SMIM14: variants seen among roughly 807,000 people sequenced by gnomAD.
SMIM14 encodes the protein small integral membrane protein 14.
In SMIM14, 5 loss-of-function variants were observed where a neutral mutation model predicts 12.6. The observed-to-expected ratio is 0.40, with a 90% confidence interval of 0.21 to 0.83. The LOEUF (loss-of-function observed/expected upper bound fraction) is 0.83. Ranked by LOEUF, SMIM14 falls within the 40% of genes least tolerant of loss-of-function variation. SMIM14 has a pLI of 0.37. For synonymous variants in SMIM14, 30 were observed against 40.1 expected, an observed-to-expected ratio of 0.75 and a Z score of 0.95; for missense variants, 86 against 119.1, an observed-to-expected ratio of 0.72 and a Z score of 1.29.
At chr4:39,574,823 T>C (rs1442521478) in intron 2 of SMIM14, among the ~76,000 whole-genome samples, 1 of 152,094 alleles carries the variant, frequency 6.6e-6, no homozygotes, top group Non-Finnish European at 1.5e-5. Flanking sequence ...CTTGCTTTGG[T>C]GTATACTACT....
chr4:39,638,433 T>C (rs1716187498), intron 1 of SMIM14: 1 of 983,996 alleles, frequency 1.0e-6, no homozygotes, highest in Admixed American at 6.2e-5. Context: ...CCTCCACCCG[T>C]CGACAATCTG....
intron 2 of SMIM14, among the ~76,000 whole-genome samples, chr4:39,575,909 T>C (rs572763851): frequency 6.6e-6 from 1 of 151,004 alleles, no homozygotes; most frequent in South Asian, 2.1e-4. Flanking sequence ...TTTTTTTTTT[T>C]TTGAGATGGA....
chr4:39,590,470 A>G lies in SMIM14; in HGVS notation c.75+14601T>C, dbSNP rs931522085. Among the ~76,000 whole-genome samples, 4 of 151,536 alleles carry G rather than the reference A, an allele frequency of 2.6e-5. No homozygotes were observed. In the South Asian group the frequency reaches 6.2e-4, roughly 24 times the overall value. ...GGGGATTTTGTGTAGGCAACTTTCT[A>G]TACATATACTAGTATTCTACTACTA... On this transcript the variant is annotated intron_variant, in intron 2 of 4. Transcript: ENST00000295958.
chr4:39,613,381 C>G lies in SMIM14; in HGVS notation c.-35-8201G>C, dbSNP rs182409572. Among the ~76,000 whole-genome samples, 64 of 152,334 alleles carry G rather than the reference C, an allele frequency of 4.2e-4. No homozygotes were observed. The East Asian group carries it at 9.8e-3, about 23-fold the overall frequency. Reference sequence around the variant, plus strand: ...TCAATAGTGCTACACTTCTGTGGAACTTTCTTCCTGTACACTTGAGCTGTT... The same window carrying G: ...TCAATAGTGCTACACTTCTGTGGAAGTTTCTTCCTGTACACTTGAGCTGTT... On this transcript the variant is annotated intron_variant, in intron 1 of 4. Transcript: ENST00000295958.
intron 1 of SMIM14, among the ~76,000 whole-genome samples, chr4:39,614,185 C>CAAA (rs60332502): frequency 0.018 from 1,831 of 102,142 alleles, 67 homozygotes; most frequent in African/African-American, 0.055. Flanking sequence ...AACTCCATTA[C>CAAA]AAAAAAAAAA....
chr4:39,561,039 C>CT (rs57962713), intron 3 of SMIM14, among the ~76,000 whole-genome samples: 147 of 150,742 alleles, frequency 9.8e-4, no homozygotes, highest in Admixed American at 4.0e-4. Flanking sequence ...ATTTTTTTTT[C>CT]TTTTTTTTTA....
chr4:39,579,708 G>C (rs146680460), intron 2 of SMIM14, among the ~76,000 whole-genome samples: 1 of 152,016 alleles, frequency 6.6e-6, no homozygotes, highest in Non-Finnish European at 1.5e-5. Context: ...GCCAAGTGTG[G>C]TGGTGCGCAC....
chr4:39,569,036 G>A (rs1320473741), intron 3 of SMIM14, among the ~76,000 whole-genome samples: 1 of 152,150 alleles, frequency 6.6e-6, no homozygotes, highest in Non-Finnish European at 1.5e-5. Context: ...TAATAAACAC[G>A]TGTTTTCCCA....
At chr4:39,606,145 A>G (rs1199661373) in intron 1 of SMIM14, among the ~76,000 whole-genome samples, 1 of 151,384 alleles carries the variant, frequency 6.6e-6, no homozygotes, top group Non-Finnish European at 1.5e-5. Context: ...CAGGAGTTTG[A>G]GACCAGCCTG....
chr4:39,627,209 G>A lies in SMIM14; in HGVS notation c.-36+11530C>T, dbSNP rs137963626. On this transcript the variant is annotated intron_variant, in intron 1 of 4. Coordinates refer to ENST00000295958, the MANE Select transcript of SMIM14 (RefSeq NM_174921.3). ...CTCATGACTTAATCACTACCCAAAGGCCCACCTCCTCCTAATACTATCACA... is the reference window on the plus strand; with the variant it reads ...CTCATGACTTAATCACTACCCAAAGACCCACCTCCTCCTAATACTATCACA... Among the ~76,000 whole-genome samples, 1,260 of 152,164 alleles carry A rather than the reference G, an allele frequency of 8.3e-3. 8 individuals carry two copies. The highest frequency in any genetic ancestry group is 0.017 in the Middle Eastern group (5 of 294).
chr4:39,546,358 G>A lies in SMIM14; in HGVS notation c.*5768C>T, dbSNP rs1385267232. ...AAATTTGTTGAAGTGTTTATTGAAC[G>A]AACATAATACATTTGTCTGAGAAGA... On this transcript the variant is annotated 3_prime_UTR_variant, in exon 5 of 5. Coordinates refer to ENST00000295958, the MANE Select transcript of SMIM14 (RefSeq NM_174921.3). 2.0e-5 allele frequency: 3 copies of A among 152,116 alleles called. No individual in the cohort carries two copies. The highest frequency in any genetic ancestry group is 1.3e-4 in the Admixed American group (2 of 15,270). 9.4% of individuals were successfully genotyped at this position (152,116 alleles called of 1,614,324 possible). A position where few individuals can be genotyped will look rare whatever the true frequency, so the allele number is the denominator to read the frequency against.
chr4:39,557,564 C>T (rs1448182479), intron 3 of SMIM14, among the ~76,000 whole-genome samples: 1 of 152,110 alleles, frequency 6.6e-6, no homozygotes, highest in Admixed American at 6.6e-5. Flanking sequence ...CCTAACTTCC[C>T]TAAGATCTAC....
At chr4:39,578,730 T>G (rs1205973418) in intron 2 of SMIM14, among the ~76,000 whole-genome samples, 1 of 152,118 alleles carries the variant, frequency 6.6e-6, no homozygotes, top group East Asian at 1.9e-4. Context: ...GCACGGTGAC[T>G]CACGCTTGTA....
chr4:39,586,784 G>A (rs952323348), intron 2 of SMIM14, among the ~76,000 whole-genome samples: 3 of 152,042 alleles, frequency 2.0e-5, no homozygotes, highest in Non-Finnish European at 4.4e-5. Context: ...AGTTTGGGCT[G>A]CAATAACAAA....
chr4:39,585,154 C>T (rs990759792), intron 2 of SMIM14, among the ~76,000 whole-genome samples: 16 of 151,624 alleles, frequency 1.1e-4, no homozygotes, highest in African/African-American at 2.7e-4. Flanking sequence ...TTAATGTGAC[C>T]TCTGACAAAA....
intron 2 of SMIM14, among the ~76,000 whole-genome samples, chr4:39,599,750 C>T (rs1714524865): frequency 6.6e-6 from 1 of 151,804 alleles, no homozygotes; most frequent in Non-Finnish European, 1.5e-5. Context: ...GATGAAACCC[C>T]GTCTCTACTA....
rs775758097 is a variant in SMIM14, at chr4:39,552,080, T to C, written c.*46A>G. The C allele has an allele frequency of 4.6e-6, 7 of 1,528,946 alleles. No individual in the cohort carries two copies. The African/African-American group carries it at 9.8e-5, about 21-fold the overall frequency. The allele number at this position is 1,528,946 out of a possible 1,614,324, so 94.7% of individuals were successfully genotyped here. ...GAGTACTCTGGTCATCTTCGTTCGTTTGGTCGTGCAAGGTGTTAACTATTT... is the reference window on the plus strand; with the variant it reads ...GAGTACTCTGGTCATCTTCGTTCGTCTGGTCGTGCAAGGTGTTAACTATTT... On this transcript the variant is annotated 3_prime_UTR_variant, in exon 5 of 5. Coordinates refer to ENST00000295958, the MANE Select transcript of SMIM14 (RefSeq NM_174921.3).
At chr4:39,617,992 T>A (rs115120611) in intron 1 of SMIM14, among the ~76,000 whole-genome samples, 3,429 of 152,242 alleles carry the variant, frequency 0.023, 152 homozygotes, top group African/African-American at 0.077. Flanking sequence ...ATCAAAGACA[T>A]CATCTGGATG....
At chr4:39,577,469 C>T (rs1713265717) in intron 2 of SMIM14, among the ~76,000 whole-genome samples, 1 of 151,174 alleles carries the variant, frequency 6.6e-6, no homozygotes, top group Non-Finnish European at 1.5e-5. Context: ...ACTCTGTCTC[C>T]CAGGCTGGAG....
Sources: allele counts gnomAD v4.1 joint callset (sites outside exome capture counted in the v4.1 genomes callset), GRCh38; gene constraint gnomAD v4.1.1; transcripts MANE v1.5; gene names NCBI Gene and HGNC (gene_info 2026-07-23, HGNC 2026-07-21).